GUCY1A2: variants seen among roughly 807,000 people sequenced by gnomAD.
The protein encoded by GUCY1A2 is guanylate cyclase 1 soluble subunit alpha 2, also known as guanylate cyclase soluble subunit alpha-2.
A neutral mutation model predicts 63.5 loss-of-function variants in GUCY1A2; 27 were observed. The ratio of observed to expected loss-of-function variants is 0.43; its 90% CI spans 0.31 to 0.59. GUCY1A2 has a LOEUF of 0.59. Ranked by LOEUF, GUCY1A2 falls within the 20% of genes least tolerant of loss-of-function variation. GUCY1A2 has a pLI of 0.11. For missense variants in GUCY1A2, 768 were observed against 913.3 expected, an observed-to-expected ratio of 0.84 and a Z score of 2.05; for synonymous variants, 364 against 343.5, an observed-to-expected ratio of 1.06 and a Z score of -0.66.
intron 4 of GUCY1A2, among the ~76,000 whole-genome samples, chr11:106,892,307 C>T (rs1402884557): frequency 6.6e-6 from 1 of 151,932 alleles, no homozygotes; most frequent in Non-Finnish European, 1.5e-5. Context: ...TCCCTTTGAC[C>T]AATGCTATCT....
At chr11:106,711,398 A>G (rs1863116260) in intron 6 of GUCY1A2, among the ~76,000 whole-genome samples, 1 of 152,178 alleles carries the variant, frequency 6.6e-6, no homozygotes, top group African/African-American at 2.4e-5. Context: ...TTAAGAAACA[A>G]TTGGTAGTAT....
intron 4 of GUCY1A2, among the ~76,000 whole-genome samples, chr11:106,878,598 T>C (rs931252949): frequency 1.3e-5 from 2 of 151,688 alleles, no homozygotes; most frequent in African/African-American, 2.4e-5. Flanking sequence ...GAAACATAGA[T>C]GGGAACACCA....
At chr11:106,717,215 A>T (rs1863231807) in intron 6 of GUCY1A2, among the ~76,000 whole-genome samples, 1 of 152,168 alleles carries the variant, frequency 6.6e-6, no homozygotes, top group African/African-American at 2.4e-5. Flanking sequence ...GCATTCAGCT[A>T]CCTCTGTGAA....
At chr11:106,704,526 TG>T (rs1862873678) in intron 7 of GUCY1A2, among the ~76,000 whole-genome samples, 1 of 152,154 alleles carries the variant, frequency 6.6e-6, no homozygotes, top group African/African-American at 2.4e-5. Context: ...CAGGTAGCAG[TG>T]GTTAGGAAGA....
chr11:106,722,510 C>T (rs1218050874), intron 6 of GUCY1A2, among the ~76,000 whole-genome samples: 1 of 151,500 alleles, frequency 6.6e-6, no homozygotes, highest in Non-Finnish European at 1.5e-5. Context: ...TGATAGTGCC[C>T]TTAGTACAAA....
At chr11:106,985,481 T>C (rs1489704247) in intron 2 of GUCY1A2, among the ~76,000 whole-genome samples, 1 of 152,218 alleles carries the variant, frequency 6.6e-6, no homozygotes, top group Non-Finnish European at 1.5e-5. Context: ...TAGTTATTAT[T>C]ATCATCACAG....
chr11:106,812,809 G>A (rs947195279), intron 4 of GUCY1A2, among the ~76,000 whole-genome samples: 2 of 151,886 alleles, frequency 1.3e-5, no homozygotes, highest in Non-Finnish European at 2.9e-5. Flanking sequence ...AGAAAATGTT[G>A]TTGATTGCCT....
At chr11:106,751,499 G>A (rs970572287) in intron 6 of GUCY1A2, among the ~76,000 whole-genome samples, 1 of 150,792 alleles carries the variant, frequency 6.6e-6, no homozygotes, top group Non-Finnish European at 1.5e-5. Flanking sequence ...ACTTGACACA[G>A]GACCAGGTTT....
chr11:106,924,244 C>T (rs4620686), intron 4 of GUCY1A2, among the ~76,000 whole-genome samples: 23,183 of 152,146 alleles, frequency 0.15, 2,131 homozygotes, highest in South Asian at 0.27. Context: ...TTTAATTCAG[C>T]TTATCTCAAA....
chr11:106,936,069 A>G (rs534955312), intron 4 of GUCY1A2, among the ~76,000 whole-genome samples: 9 of 152,252 alleles, frequency 5.9e-5, no homozygotes, highest in African/African-American at 2.2e-4. Flanking sequence ...TACTTTCACC[A>G]CACATCATGA....
At chr11:106,827,173 T>C in intron 4 of GUCY1A2, 2 of 1,499,942 alleles carry the variant, frequency 1.3e-6, no homozygotes, top group Non-Finnish European at 9.3e-7. Flanking sequence ...ATTCAAGCCT[T>C]CATGCCAATC....
intron 3 of GUCY1A2, among the ~76,000 whole-genome samples, chr11:106,969,972 G>C (rs942394637): frequency 6.6e-6 from 1 of 152,146 alleles, no homozygotes; most frequent in African/African-American, 2.4e-5. Context: ...GAGTTTTGCA[G>C]ATTTTAAATG....
At chr11:106,828,754 G>T (rs2135435453) in intron 4 of GUCY1A2, among the ~76,000 whole-genome samples, 1 of 152,290 alleles carries the variant, frequency 6.6e-6, no homozygotes, top group African/African-American at 2.4e-5. Context: ...ACGGCTCTGT[G>T]CCAGAATATG....
chr11:107,012,260 CTT>C (rs371100294), intron 1 of GUCY1A2, among the ~76,000 whole-genome samples: 45 of 141,254 alleles, frequency 3.2e-4, no homozygotes, highest in African/African-American at 1.0e-3. Flanking sequence ...CTTCTTATTA[CTT>C]TTTTTTTTTT....
At chr11:106,870,182 C>T (rs1032067187) in intron 4 of GUCY1A2, among the ~76,000 whole-genome samples, 1 of 151,436 alleles carries the variant, frequency 6.6e-6, no homozygotes, top group East Asian at 1.9e-4. Context: ...TGTTGCACAC[C>T]AACATGGCAC....
chr11:106,723,166 CA>C (rs374461896), intron 6 of GUCY1A2, among the ~76,000 whole-genome samples: 1 of 152,170 alleles, frequency 6.6e-6, no homozygotes, highest in African/African-American at 2.4e-5. Context: ...AAATTCTCAT[CA>C]CCACAGAGGC....
In GUCY1A2 at chr11:106,682,534, C is replaced by G. The variant is rs910186418; in HGVS notation, c.*5015G>C. ...GATCAGCTGAACCACTGAACTAGGT[C>G]ATTTCTTAAGGATGGGATGGCAATG... On this transcript the variant is annotated 3_prime_UTR_variant, in exon 8 of 8. Transcript: ENST00000526355. 1 of 210,958 alleles carries G rather than the reference C, an allele frequency of 4.7e-6. No homozygotes were observed. The highest frequency in any genetic ancestry group is 9.6e-6 in the Non-Finnish European group (1 of 103,978). The allele number at this position is 210,958 out of a possible 1,614,324, so 13.1% of individuals were successfully genotyped here.
intron 7 of GUCY1A2, among the ~76,000 whole-genome samples, chr11:106,697,934 C>T (rs2135340941): frequency 6.6e-6 from 1 of 152,118 alleles, no homozygotes; most frequent in African/African-American, 2.4e-5. Flanking sequence ...ATGACCTCTT[C>T]TCTTATGGTC....
intron 5 of GUCY1A2, among the ~76,000 whole-genome samples, chr11:106,797,350 T>C (rs117753236): frequency 6.6e-6 from 1 of 152,168 alleles, no homozygotes; most frequent in Non-Finnish European, 1.5e-5. Flanking sequence ...AGAGGCGCTC[T>C]GATCAACATT....
Sources: gnomAD v4.1 joint callset for allele counts (sites outside exome capture counted in the v4.1 genomes callset) on GRCh38, gnomAD v4.1.1 for gene constraint, MANE v1.5 for transcripts, NCBI Gene and HGNC (gene_info 2026-07-23, HGNC 2026-07-21) for gene names.